Variants in PCDH9 observed in about 807,000 individuals in gnomAD.
PCDH9 encodes the protein protocadherin-9.
A neutral mutation model predicts 70.6 loss-of-function variants in PCDH9; 24 were observed. That is an observed-to-expected ratio of 0.34 (90% CI 0.25 to 0.48). The LOEUF is 0.48. Among genes scored for constraint, PCDH9 ranks in the 20% least tolerant of loss-of-function variants. The pLI is 0.99. For synonymous variants in PCDH9, 562 were observed against 558.5 expected, an observed-to-expected ratio of 1.01 and a Z score of -0.09; for missense variants, 1,281 against 1,503.6, an observed-to-expected ratio of 0.85 and a Z score of 2.45.
intron 4 of PCDH9, among the ~76,000 whole-genome samples, chr13:66,446,905 A>G (rs1453701715): frequency 1.3e-5 from 2 of 152,074 alleles, no homozygotes; most frequent in African/African-American, 4.8e-5. Flanking sequence ...ACCAGTTGTC[A>G]AAAACAAGAG....
chr13:67,143,113 A>T (rs1452767356), intron 2 of PCDH9, among the ~76,000 whole-genome samples: 4 of 152,170 alleles, frequency 2.6e-5, no homozygotes, highest in Non-Finnish European at 5.9e-5. Flanking sequence ...AACAGGCATT[A>T]AAAAATTACA....
At chr13:66,734,483 G>A (rs1387309114) in intron 3 of PCDH9, among the ~76,000 whole-genome samples, 1 of 152,100 alleles carries the variant, frequency 6.6e-6, no homozygotes, top group Non-Finnish European at 1.5e-5. Flanking sequence ...GGGATCTTGT[G>A]AACCCTGCAA....
At chr13:67,003,714 G>A (rs371283467) in intron 2 of PCDH9, among the ~76,000 whole-genome samples, 1 of 152,086 alleles carries the variant, frequency 6.6e-6, no homozygotes, top group African/African-American at 2.4e-5. Flanking sequence ...TCCCCACTGC[G>A]AAATTACTCA....
chr13:66,384,202 T>C (rs1243206596), intron 4 of PCDH9, among the ~76,000 whole-genome samples: 1 of 152,120 alleles, frequency 6.6e-6, no homozygotes, highest in Non-Finnish European at 1.5e-5. Flanking sequence ...TTATTACATA[T>C]TGTTAAAGGT....
intron 4 of PCDH9, among the ~76,000 whole-genome samples, chr13:66,352,347 A>G (rs1430504789): frequency 4.6e-5 from 7 of 152,148 alleles, no homozygotes; most frequent in Admixed American, 4.6e-4. Flanking sequence ...TACTCTCTAT[A>G]TAACTGTATT....
intron 2 of PCDH9, chr13:66,985,407 T>C (rs1199668230): frequency 2.0e-5 from 3 of 152,138 alleles, no homozygotes; most frequent in Non-Finnish European, 4.4e-5. Flanking sequence ...ATTGTTTCCA[T>C]AATTTGACCC....
intron 4 of PCDH9, among the ~76,000 whole-genome samples, chr13:66,494,159 G>A (rs984175197): frequency 2.6e-5 from 4 of 152,094 alleles, no homozygotes; most frequent in African/African-American, 9.7e-5. Flanking sequence ...AATCTGGTTG[G>A]CTAAAGAATA....
intron 2 of PCDH9, among the ~76,000 whole-genome samples, chr13:67,041,701 G>T: frequency 6.6e-6 from 1 of 151,798 alleles, no homozygotes; most frequent in East Asian, 1.9e-4. Flanking sequence ...CATGGTTGTG[G>T]GCACCTGTAG....
intron 3 of PCDH9, among the ~76,000 whole-genome samples, chr13:66,642,575 AATTGTTTTGAAACCTTGC>A (rs1486885766): frequency 6.6e-6 from 1 of 152,034 alleles, no homozygotes; most frequent in African/African-American, 2.4e-5. Flanking sequence ...TATGGTTTTG[AATTGTTTTGAAACCTTGC>A]ATATTATACG....
chr13:66,469,516 G>A (rs1023312219), intron 4 of PCDH9, among the ~76,000 whole-genome samples: 2 of 151,362 alleles, frequency 1.3e-5, no homozygotes, highest in African/African-American at 2.4e-5. Flanking sequence ...AAGGGAGGGA[G>A]GGAATAACTT....
intron 4 of PCDH9, among the ~76,000 whole-genome samples, chr13:66,388,194 C>G (rs1956961986): frequency 2.0e-5 from 3 of 152,106 alleles, no homozygotes; most frequent in Admixed American, 6.6e-5. Context: ...ATAATGAACT[C>G]TTCCAGACTA....
chr13:66,537,927 C>T (rs1432622673), intron 4 of PCDH9, among the ~76,000 whole-genome samples: 1 of 151,856 alleles, frequency 6.6e-6, no homozygotes, highest in Non-Finnish European at 1.5e-5. Flanking sequence ...GTGGATTGTT[C>T]CTGGGAAAAA....
At chr13:66,417,703 C>G (rs1056312239) in intron 4 of PCDH9, among the ~76,000 whole-genome samples, 1 of 152,194 alleles carries the variant, frequency 6.6e-6, no homozygotes, top group Non-Finnish European at 1.5e-5. Context: ...TGCCATCTAA[C>G]TGGCTTGAGA....
intron 4 of PCDH9, among the ~76,000 whole-genome samples, chr13:66,487,749 G>T (rs1276950957): frequency 6.6e-6 from 1 of 152,084 alleles, no homozygotes; most frequent in Non-Finnish European, 1.5e-5. Flanking sequence ...ATACCTGAAA[G>T]TTTCCCCTCA....
chr13:67,085,359 GA>G (rs2086086445), intron 2 of PCDH9, among the ~76,000 whole-genome samples: 1 of 151,844 alleles, frequency 6.6e-6, no homozygotes, highest in Non-Finnish European at 1.5e-5. Flanking sequence ...CTAATAGGAA[GA>G]AAAGGAAAGA....
chr13:67,064,599 C>T (rs990610532), intron 2 of PCDH9, among the ~76,000 whole-genome samples: 2 of 152,066 alleles, frequency 1.3e-5, no homozygotes, highest in African/African-American at 4.8e-5. Context: ...TTCTGCTAAA[C>T]TAGATTAAAA....
At chr13:66,809,922 A>G (rs1314008348) in intron 3 of PCDH9, among the ~76,000 whole-genome samples, 40 of 152,320 alleles carry the variant, frequency 2.6e-4, no homozygotes, top group South Asian at 1.0e-3. Context: ...TGGCTAAAGA[A>G]AGCAACATTT....
At chr13:66,764,893 G>A (rs911558496) in intron 3 of PCDH9, among the ~76,000 whole-genome samples, 3 of 151,822 alleles carry the variant, frequency 2.0e-5, no homozygotes, top group African/African-American at 7.3e-5. Context: ...ACATCATATC[G>A]ATTTTTTGAG....
intron 2 of PCDH9, among the ~76,000 whole-genome samples, chr13:66,953,035 T>C (rs2083209116): frequency 6.6e-6 from 1 of 151,992 alleles, no homozygotes; most frequent in Non-Finnish European, 1.5e-5. Flanking sequence ...GTAGTATTAT[T>C]ACCTAATGTA....
Sources: allele counts gnomAD v4.1 joint callset (sites outside exome capture counted in the v4.1 genomes callset), GRCh38; gene constraint gnomAD v4.1.1; transcripts MANE v1.5; gene names NCBI Gene and HGNC (gene_info 2026-07-23, HGNC 2026-07-21).